GNAI1: variants seen among roughly 807,000 people sequenced by gnomAD.
GNAI1 encodes G protein subunit alpha i1.
Under a neutral mutation model 38.9 loss-of-function variants are expected in GNAI1, and 11 were observed. The observed-to-expected ratio is 0.28, with a 90% confidence interval of 0.18 to 0.47. The LOEUF (loss-of-function observed/expected upper bound fraction) is 0.47, where lower values mean the gene tolerates loss of function less well. Among genes scored for constraint, GNAI1 ranks in the 20% least tolerant of loss-of-function variants. The pLI, the probability that GNAI1 is intolerant of heterozygous loss-of-function variation, is 0.99. For missense variants in GNAI1, 317 were observed against 436.9 expected, an observed-to-expected ratio of 0.73 and a Z score of 2.45; for synonymous variants, 166 against 145.1, an observed-to-expected ratio of 1.14 and a Z score of -1.04.
chr7:80,151,465 C>A (rs577228477), intron 1 of GNAI1, among the ~76,000 whole-genome samples: 1 of 152,146 alleles, frequency 6.6e-6, no homozygotes, highest in East Asian at 1.9e-4. Context: ...GACTTGTTCT[C>A]TCCTGGTTGT....
At position 80,220,054 on chromosome 7, in the gene GNAI1, T is replaced by C. The variant is rs746678386; in HGVS notation, c.*2561T>C. Among the ~76,000 whole-genome samples the C allele has an allele frequency of 6.6e-5, 10 of 152,218 alleles. No individual in the cohort carries two copies. Among genetic ancestry groups the C allele is most frequent in the Non-Finnish European group, 1.2e-4 (8 of 68,038 alleles). Reference sequence around the variant, plus strand: ...GAAAAACCCAGGTTAGTTATCCTAATGTAGAACTGTGGCCCTATCACCTTC... The same window carrying C: ...GAAAAACCCAGGTTAGTTATCCTAACGTAGAACTGTGGCCCTATCACCTTC... On this transcript the variant is annotated 3_prime_UTR_variant, in exon 8 of 8. Coordinates refer to ENST00000649796, the MANE Select transcript of GNAI1 (RefSeq NM_002069.6).
In GNAI1 at chr7:80,226,125, A is replaced by G. The variant is rs148875826; in HGVS notation, c.*8632A>G. 3.3e-5 allele frequency among the ~76,000 whole-genome samples: 5 copies of G among 152,324 alleles called. No homozygotes were observed. In the East Asian group the frequency reaches 7.7e-4, roughly 23 times the overall value. The stretch of plus-strand genomic sequence containing the variant: ...AAAAAAAAGACTAGATTTTATATCA[A>G]CTTAATTGTCTTTTGGTTTAAAATT... On this transcript the variant is annotated 3_prime_UTR_variant, in exon 8 of 8. Transcript: ENST00000649796.
chr7:80,158,801 A>G (rs1037420825), intron 1 of GNAI1, among the ~76,000 whole-genome samples: 1 of 152,228 alleles, frequency 6.6e-6, no homozygotes, highest in Non-Finnish European at 1.5e-5. Context: ...AGCCTCAGGC[A>G]ATCCATCCCT....
intron 1 of GNAI1, among the ~76,000 whole-genome samples, chr7:80,166,254 C>A (rs1222569648): frequency 6.6e-6 from 1 of 152,096 alleles, no homozygotes; most frequent in Non-Finnish European, 1.5e-5. Context: ...ACTGGGGAAT[C>A]TTTCATCCTT....
chr7:80,217,198 C>CTGTATTAAACTGACTTCAGTTTCATA, intron 7 of GNAI1, 105 bp from the exon 8 acceptor site: 2 of 478,780 alleles, frequency 4.2e-6, no homozygotes, highest in South Asian at 4.8e-5. Flanking sequence ...ATGAATGAAA[C>CTGTATTAAACTGACTTCAGTTTCATA]TGTATGAAAC....
chr7:80,150,252 A>G (rs988735453), intron 1 of GNAI1, among the ~76,000 whole-genome samples: 4 of 152,202 alleles, frequency 2.6e-5, no homozygotes, highest in Non-Finnish European at 5.9e-5. Context: ...AGTAATAGCA[A>G]AATTTCAAAA....
chr7:80,185,644 T>G (rs949500545), intron 1 of GNAI1, among the ~76,000 whole-genome samples: 1 of 152,120 alleles, frequency 6.6e-6, no homozygotes, highest in Non-Finnish European at 1.5e-5. Flanking sequence ...CGATTAAACT[T>G]CTTTCTCTGC....
At chr7:80,170,009 C>G (rs1562830647) in intron 1 of GNAI1, among the ~76,000 whole-genome samples, 1 of 152,146 alleles carries the variant, frequency 6.6e-6, no homozygotes. Flanking sequence ...GTACTTTGTT[C>G]TTTTTCATAG....
At chr7:80,208,488 T>C (rs950289262) in intron 5 of GNAI1, among the ~76,000 whole-genome samples, 2 of 152,136 alleles carry the variant, frequency 1.3e-5, no homozygotes, top group African/African-American at 4.8e-5. Flanking sequence ...TTCTCTGTCA[T>C]TGTTGCTTCT....
At chr7:80,154,485 T>G (rs1164675131) in intron 1 of GNAI1, among the ~76,000 whole-genome samples, 3 of 152,104 alleles carry the variant, frequency 2.0e-5, no homozygotes, top group Admixed American at 6.5e-5. Flanking sequence ...GTGGCAGGAA[T>G]GAGGTGGCAA....
Position 80,167,225 on chromosome 7 carries a change from G to A in GNAI1, c.119-21726G>A, listed in dbSNP as rs58566552. ...CATCCAGACTCGAACACTGCACATG[G>A]ATGCATGGAAGAAAGACAAGAAAGT... On this transcript the variant is annotated intron_variant, in intron 1 of 7. Coordinates refer to ENST00000649796, the MANE Select transcript of GNAI1 (RefSeq NM_002069.6). Among the ~76,000 whole-genome samples the A allele has an allele frequency of 1.9e-3, 290 of 152,336 alleles. 1 individual carries two copies. Among genetic ancestry groups the A allele is most frequent in the African/African-American group, 6.5e-3 (269 of 41,570 alleles).
intron 1 of GNAI1, among the ~76,000 whole-genome samples, chr7:80,158,697 G>C (rs913593195): frequency 6.6e-6 from 1 of 152,160 alleles, no homozygotes; most frequent in Non-Finnish European, 1.5e-5. Flanking sequence ...CCAGTCTCAG[G>C]TATGTCTTTA....
At chr7:80,164,822 G>A (rs1428510707) in intron 1 of GNAI1, among the ~76,000 whole-genome samples, 7 of 152,134 alleles carry the variant, frequency 4.6e-5, no homozygotes, top group Non-Finnish European at 1.0e-4. Flanking sequence ...AATTGGAGAA[G>A]CAAAAATGAT....
At chr7:80,154,832 A>G (rs1428376769) in intron 1 of GNAI1, among the ~76,000 whole-genome samples, 1 of 152,232 alleles carries the variant, frequency 6.6e-6, no homozygotes, top group Non-Finnish European at 1.5e-5. Flanking sequence ...GCTCAGCAAT[A>G]GCTTTCTGGG....
intron 1 of GNAI1, among the ~76,000 whole-genome samples, chr7:80,150,276 AATC>A (rs1787700768): frequency 1.3e-5 from 2 of 152,330 alleles, no homozygotes; most frequent in South Asian, 4.1e-4. Flanking sequence ...CTAAATTATT[AATC>A]ATCAAGAGTG....
chr7:80,149,977 C>T (rs2116096487), intron 1 of GNAI1, among the ~76,000 whole-genome samples: 1 of 152,256 alleles, frequency 6.6e-6, no homozygotes, highest in South Asian at 2.1e-4. Context: ...TGGGACCAAA[C>T]AGCATACCAT....
chr7:80,150,854 G>A (rs1562823963), intron 1 of GNAI1, among the ~76,000 whole-genome samples: 3 of 152,090 alleles, frequency 2.0e-5, no homozygotes, highest in Admixed American at 6.6e-5. Context: ...TCCATCATCC[G>A]CCGTTTTTCC....
Position 80,218,182 on chromosome 7 carries a change from T to C in GNAI1, c.*689T>C, listed in dbSNP as rs1385629469. ...TTTGATTTTTCCTACTTTAAGAAAA[T>C]AAAATAATTTAATTTTACATTAGAT... On this transcript the variant is annotated 3_prime_UTR_variant, in exon 8 of 8. Coordinates refer to ENST00000649796, the MANE Select transcript of GNAI1 (RefSeq NM_002069.6). 6.6e-6 allele frequency: 1 copy of C among 152,172 alleles called. No individual in the cohort carries two copies. The highest frequency in any genetic ancestry group is 2.4e-5 in the African/African-American group (1 of 41,446). 9.4% of individuals were successfully genotyped at this position (152,172 alleles called of 1,614,324 possible).
In GNAI1 at chr7:80,217,545, A is replaced by G. The variant is rs2115727876; in HGVS notation, c.*52A>G. On this transcript the variant is annotated 3_prime_UTR_variant, in exon 8 of 8. Transcript: ENST00000649796. ...TTTCAAACCAAATGAGTACTTATAT[A>G]TGGATCTCTGTAGACTAGAGTCTTG... 4 of 1,048,022 alleles carry G rather than the reference A, an allele frequency of 3.8e-6. No homozygotes were observed. The highest frequency in any genetic ancestry group is 2.8e-6 in the Non-Finnish European group (2 of 704,272). The allele number at this position is 1,048,022 out of a possible 1,614,324, so 64.9% of individuals were successfully genotyped here. A position where few individuals can be genotyped will look rare whatever the true frequency, so the allele number is the denominator to read the frequency against.
Sources: gnomAD v4.1 joint callset for allele counts (sites outside exome capture counted in the v4.1 genomes callset) on GRCh38, gnomAD v4.1.1 for gene constraint, MANE v1.5 for transcripts, NCBI Gene and HGNC (gene_info 2026-07-23, HGNC 2026-07-21) for gene names.